The following GPC6 variants were observed in gnomAD, a reference collection of about 807,000 sequenced individuals.
GPC6 encodes glypican 6.
Under a neutral mutation model 55.2 loss-of-function variants are expected in GPC6, and 14 were observed. The ratio of observed to expected loss-of-function variants is 0.25; its 90% CI spans 0.17 to 0.40. The LOEUF (loss-of-function observed/expected upper bound fraction) is 0.40. Among genes scored for constraint, GPC6 ranks in the 10% least tolerant of loss-of-function variants. GPC6 has a pLI of 1.00. For synonymous variants in GPC6, 278 were observed against 259.6 expected, an observed-to-expected ratio of 1.07 and a Z score of -0.68; for missense variants, 641 against 708.5, an observed-to-expected ratio of 0.90 and a Z score of 1.08.
chr13:93,490,243 T>C (rs1025142751), intron 1 of GPC6, among the ~76,000 whole-genome samples: 9 of 151,548 alleles, frequency 5.9e-5, no homozygotes, highest in African/African-American at 2.2e-4. Context: ...TTTTTGTCTT[T>C]GGTTCTGTTT....
intron 4 of GPC6, among the ~76,000 whole-genome samples, chr13:94,046,156 A>G (rs890350849): frequency 1.3e-5 from 2 of 152,068 alleles, no homozygotes; most frequent in African/African-American, 2.4e-5. Flanking sequence ...ACTGATCTCC[A>G]TGTCCCACCC....
At chr13:93,358,713 A>T (rs1392876127) in intron 1 of GPC6, among the ~76,000 whole-genome samples, 2 of 152,088 alleles carry the variant, frequency 1.3e-5, no homozygotes, top group East Asian at 3.9e-4. Context: ...TTGGAAGATG[A>T]TTTTTTTCCT....
At chr13:94,093,001 A>G (rs1885545912) in intron 4 of GPC6, among the ~76,000 whole-genome samples, 1 of 152,092 alleles carries the variant, frequency 6.6e-6, no homozygotes, top group African/African-American at 2.4e-5. Context: ...AGTTCCTTAT[A>G]TATTTGGGAT....
At chr13:93,512,085 G>T (rs1881001828) in intron 1 of GPC6, among the ~76,000 whole-genome samples, 1 of 152,028 alleles carries the variant, frequency 6.6e-6, no homozygotes, top group Admixed American at 6.6e-5. Flanking sequence ...TATTTTGGTG[G>T]AATCTTCAGG....
At chr13:93,626,490 T>C (rs1879205196) in intron 2 of GPC6, among the ~76,000 whole-genome samples, 1 of 152,146 alleles carries the variant, frequency 6.6e-6, no homozygotes, top group South Asian at 2.1e-4. Context: ...CTTGTATTAG[T>C]CCATTCTTGC....
intron 7 of GPC6, among the ~76,000 whole-genome samples, chr13:94,389,843 A>T (rs1320018328): frequency 6.6e-6 from 1 of 152,180 alleles, no homozygotes; most frequent in Non-Finnish European, 1.5e-5. Flanking sequence ...TGCTCCTTGT[A>T]AGGCAGTGTT....
intron 1 of GPC6, among the ~76,000 whole-genome samples, chr13:93,442,107 G>C (rs1346180965): frequency 1.3e-5 from 2 of 152,140 alleles, no homozygotes; most frequent in Admixed American, 1.3e-4. Flanking sequence ...GAAGTAAAGG[G>C]TCTTTTGGAG....
At chr13:94,356,897 G>A (rs1247839753) in intron 6 of GPC6, among the ~76,000 whole-genome samples, 4 of 152,068 alleles carry the variant, frequency 2.6e-5, no homozygotes, top group Non-Finnish European at 5.9e-5. Flanking sequence ...GTGAGACCCT[G>A]TCTCAAAAAA....
intron 2 of GPC6, among the ~76,000 whole-genome samples, chr13:93,755,208 G>A (rs1884728604): frequency 6.6e-6 from 1 of 152,126 alleles, no homozygotes; most frequent in Non-Finnish European, 1.5e-5. Flanking sequence ...CCACAATGTA[G>A]AAGATCTGGA....
chr13:94,209,908 C>T (rs1051542230), intron 4 of GPC6, among the ~76,000 whole-genome samples: 6 of 152,038 alleles, frequency 3.9e-5, no homozygotes, highest in South Asian at 2.1e-4. Context: ...TGCAGTGGCA[C>T]GAACACAGCT....
chr13:93,465,223 C>T (rs1878861404), intron 1 of GPC6, among the ~76,000 whole-genome samples: 1 of 152,184 alleles, frequency 6.6e-6, no homozygotes, highest in South Asian at 2.1e-4. Flanking sequence ...AACTTGAAGT[C>T]ACCAGCTGCA....
intron 3 of GPC6, among the ~76,000 whole-genome samples, chr13:93,957,103 G>A (rs995622100): frequency 1.3e-5 from 2 of 152,128 alleles, no homozygotes; most frequent in Non-Finnish European, 2.9e-5. Context: ...GATGAGAACA[G>A]TGTGTCCTCA....
chr13:94,176,581 C>T (rs141719924), intron 4 of GPC6, among the ~76,000 whole-genome samples: 12 of 152,180 alleles, frequency 7.9e-5, no homozygotes, highest in African/African-American at 2.9e-4. Context: ...TACACATGAA[C>T]CTCGTTTTTA....
At chr13:93,280,673 T>C (rs947704584) in intron 1 of GPC6, among the ~76,000 whole-genome samples, 5 of 152,258 alleles carry the variant, frequency 3.3e-5, no homozygotes, top group African/African-American at 4.8e-5. Context: ...TAGGGCGCTT[T>C]ACTTATATGT....
At chr13:93,462,965 C>A (rs1423578222) in intron 1 of GPC6, among the ~76,000 whole-genome samples, 1 of 152,138 alleles carries the variant, frequency 6.6e-6, no homozygotes, top group African/African-American at 2.4e-5. Flanking sequence ...AAACACATTT[C>A]TAAAGCCTTC....
chr13:93,537,392 A>C lies in GPC6; in HGVS notation c.161-7871A>C, dbSNP rs1882104091. Among the ~76,000 whole-genome samples, 4 of 152,160 alleles carry C rather than the reference A, an allele frequency of 2.6e-5. No homozygotes were observed. The South Asian group carries it at 8.3e-4, about 32-fold the overall frequency. On this transcript the variant is annotated intron_variant, in intron 1 of 8. Transcript: ENST00000377047. ...TACTATACTTAGTTTGTATTTATTC[A>C]CTTAAATTTAGAAAGAATTAATAGA... is the stretch of plus-strand genomic sequence containing the variant.
intron 4 of GPC6, among the ~76,000 whole-genome samples, chr13:94,095,523 T>C (rs1249749541): frequency 6.6e-6 from 1 of 152,200 alleles, no homozygotes; most frequent in Non-Finnish European, 1.5e-5. Context: ...GTAATTCTTT[T>C]TAAAATAACT....
intron 4 of GPC6, among the ~76,000 whole-genome samples, chr13:94,230,109 T>G (rs1204341482): frequency 1.3e-5 from 2 of 152,160 alleles, no homozygotes; most frequent in Non-Finnish European, 2.9e-5. Flanking sequence ...AACCTCCGTT[T>G]TTTTAATGGT....
At chr13:94,093,578 T>TA (rs538194539) in intron 4 of GPC6, among the ~76,000 whole-genome samples, 3 of 152,100 alleles carry the variant, frequency 2.0e-5, no homozygotes, top group Non-Finnish European at 4.4e-5. Context: ...GCTTTAGCTA[T>TA]AGTGAGTCTT....
Sources: gnomAD v4.1 joint callset for allele counts (sites outside exome capture counted in the v4.1 genomes callset) on GRCh38, gnomAD v4.1.1 for gene constraint, MANE v1.5 for transcripts, NCBI Gene and HGNC (gene_info 2026-07-23, HGNC 2026-07-21) for gene names.